Variants in DPH6 observed in about 807,000 individuals in gnomAD.
DPH6 encodes diphthine--ammonia ligase.
DPH6 carries 33 observed loss-of-function variants against 38.2 expected under a neutral mutation model. The ratio of observed to expected loss-of-function variants is 0.86; its 90% CI spans 0.65 to 1.15. The LOEUF is 1.15. Ranked by LOEUF, DPH6 falls within the 50% of genes most tolerant of loss-of-function variation. DPH6 has a pLI of 0.00. For synonymous variants in DPH6, 108 were observed against 103.0 expected (o/e 1.05, Z -0.30); for missense variants, 325 against 320.0 (o/e 1.02, Z -0.12).
At chr15:35,266,122 G>C (rs2051782683) in intron 3 of DPH6, among the ~76,000 whole-genome samples, 1 of 152,098 alleles carries the variant, frequency 6.6e-6, no homozygotes, top group Non-Finnish European at 1.5e-5. Flanking sequence ...TAATCAGAAG[G>C]GACTTAATTA....
chr15:35,347,339 G>C (rs899606600), intron 3 of DPH6, among the ~76,000 whole-genome samples: 1 of 152,058 alleles, frequency 6.6e-6, no homozygotes, highest in African/African-American at 2.4e-5. Flanking sequence ...TGTTTGTAGA[G>C]ATGGGGCGTC....
At chr15:35,257,598 G>A (rs1481120802) in intron 3 of DPH6, among the ~76,000 whole-genome samples, 1 of 152,158 alleles carries the variant, frequency 6.6e-6, no homozygotes, top group Non-Finnish European at 1.5e-5. Flanking sequence ...GAGAAATGGG[G>A]ATTTTTTGTG....
At chr15:35,451,833 A>T (rs1595377357) in intron 4 of DPH6, among the ~76,000 whole-genome samples, 1 of 152,156 alleles carries the variant, frequency 6.6e-6, no homozygotes, top group East Asian at 1.9e-4. Flanking sequence ...ACACGGTGAA[A>T]CCCCGTCTCT....
At chr15:35,497,932 C>A (rs2054578310) in intron 3 of DPH6, among the ~76,000 whole-genome samples, 1 of 152,198 alleles carries the variant, frequency 6.6e-6, no homozygotes, top group African/African-American at 2.4e-5. Flanking sequence ...CCGAAAGATT[C>A]CATCTGTTAA....
downstream of DPH6, among the ~76,000 whole-genome samples, chr15:35,367,519 T>G (rs1471615956): frequency 5.9e-5 from 9 of 151,860 alleles, no homozygotes; most frequent in South Asian, 4.1e-4. Flanking sequence ...ACTGCAGTGA[T>G]GCATGGTATA....
At chr15:35,506,800 G>A (rs946226494) in intron 3 of DPH6, among the ~76,000 whole-genome samples, 9 of 152,032 alleles carry the variant, frequency 5.9e-5, no homozygotes, top group East Asian at 1.9e-4. Flanking sequence ...CATTTTTAAC[G>A]AATTTTATTT....
chr15:35,474,010 T>A (rs761751690), intron 3 of DPH6, among the ~76,000 whole-genome samples: 4 of 151,536 alleles, frequency 2.6e-5, no homozygotes, highest in Admixed American at 6.6e-5. Flanking sequence ...GAAGGATACA[T>A]AAGAAATTGA....
At chr15:35,278,314 G>A (rs193041396) in intron 3 of DPH6, among the ~76,000 whole-genome samples, 76 of 152,364 alleles carry the variant, frequency 5.0e-4, no homozygotes, top group African/African-American at 1.3e-3. Flanking sequence ...GAGTGAGGCC[G>A]TAATCCTTGG....
intron 3 of DPH6, among the ~76,000 whole-genome samples, chr15:35,468,689 A>AC (rs1667256955): frequency 6.6e-6 from 1 of 151,996 alleles, no homozygotes; most frequent in African/African-American, 2.4e-5. Flanking sequence ...AACAGAAAAA[A>AC]CAAGAAGGGG....
the DPH6 span, among the ~76,000 whole-genome samples, chr15:35,177,538 A>G: frequency 7.0e-6 from 1 of 143,550 alleles, no homozygotes; most frequent in Non-Finnish European, 1.5e-5. Context: ...GTGACCTATG[A>G]TTGCACTTGC....
At chr15:35,384,708 C>G (rs1291014999) in intron 6 of DPH6, among the ~76,000 whole-genome samples, 2 of 151,938 alleles carry the variant, frequency 1.3e-5, no homozygotes, top group African/African-American at 4.8e-5. Context: ...CATTGAGAAC[C>G]ACTGGCATAG....
Position 35,240,599 on chromosome 15 carries a change from T to G in DPH6, n.201-20017A>C, listed in dbSNP as rs1595442127. 1.4e-5 allele frequency among the ~76,000 whole-genome samples: 2 copies of G among 142,586 alleles called. 1 individual carries two copies. Among genetic ancestry groups the G allele is most frequent in the Non-Finnish European group, 3.1e-5 (2 of 65,198 alleles). The allele number at this position is 142,586 out of a possible 152,430, so 93.5% of individuals were successfully genotyped here. On this transcript the variant is annotated intron_variant and non_coding_transcript_variant, in intron 3 of 3. Transcript: ENST00000560386. ...CTCCCCCACCTGCCCAGCAATTTAC[T>G]CTTAAAAAGGTGGCTGGAGCCAAAG...
chr15:35,312,809 TG>T, intron 3 of DPH6, among the ~76,000 whole-genome samples: 1 of 152,336 alleles, frequency 6.6e-6, no homozygotes, highest in East Asian at 1.9e-4. Context: ...TTGGTGCCTT[TG>T]TCAAAGATAA....
At chr15:35,209,329 A>C in the DPH6 span, among the ~76,000 whole-genome samples, 4 of 152,182 alleles carry the variant, frequency 2.6e-5, no homozygotes, top group African/African-American at 9.6e-5. Context: ...TGTTTAACTT[A>C]AAAGTCTTAC....
At chr15:35,485,598 T>G (rs73382707) in intron 3 of DPH6, among the ~76,000 whole-genome samples, 14,600 of 152,232 alleles carry the variant, frequency 0.096, 938 homozygotes, top group African/African-American at 0.18. Flanking sequence ...CCAAATCACA[T>G]GCCTTCATTA....
At chr15:35,389,053 G>A (rs543587284) in intron 6 of DPH6, among the ~76,000 whole-genome samples, 10 of 152,130 alleles carry the variant, frequency 6.6e-5, no homozygotes, top group East Asian at 3.9e-4. Context: ...CTTTGTTCTC[G>A]TTGGTTTCAA....
chr15:35,466,577 G>A (rs2141116444), intron 3 of DPH6, among the ~76,000 whole-genome samples: 1 of 152,230 alleles, frequency 6.6e-6, no homozygotes, highest in East Asian at 1.9e-4. Context: ...TTCATTTGCA[G>A]TAATAGGACC....
chr15:35,386,074 C>T (rs2140947646), intron 6 of DPH6, among the ~76,000 whole-genome samples: 1 of 152,208 alleles, frequency 6.6e-6, no homozygotes. Context: ...TCAATTCCCA[C>T]CTATGGGGTG....
At chr15:35,197,656 A>G in the DPH6 span, among the ~76,000 whole-genome samples, 1 of 152,198 alleles carries the variant, frequency 6.6e-6, no homozygotes, top group Non-Finnish European at 1.5e-5. Flanking sequence ...GTATTTCAGA[A>G]AGTTTTTTGA....
Sources: gnomAD v4.1 joint callset for allele counts (sites outside exome capture counted in the v4.1 genomes callset) on GRCh38, gnomAD v4.1.1 for gene constraint, MANE v1.5 for transcripts, NCBI Gene and HGNC (gene_info 2026-07-23, HGNC 2026-07-21) for gene names.